TIMP3: variants seen among roughly 807,000 people sequenced by gnomAD.
TIMP3 encodes TIMP metallopeptidase inhibitor 3.
A neutral mutation model predicts 30.0 loss-of-function variants in TIMP3; 11 were observed. That is an observed-to-expected ratio of 0.37 (90% CI 0.23 to 0.61). The LOEUF (loss-of-function observed/expected upper bound fraction) is 0.61. TIMP3 is among the 20% of genes least tolerant of loss of function. The pLI is 0.70. For missense variants in TIMP3, 181 were observed against 276.8 expected, an observed-to-expected ratio of 0.65 and a Z score of 2.45; for synonymous variants, 112 against 111.3, an observed-to-expected ratio of 1.01 and a Z score of -0.04.
At chr22:32,820,709 C>G (rs1268679073) in intron 1 of TIMP3, among the ~76,000 whole-genome samples, 3 of 152,098 alleles carry the variant, frequency 2.0e-5, no homozygotes, top group Non-Finnish European at 2.9e-5. Flanking sequence ...CACCTGGGAC[C>G]AAGGGGAGGT....
intron 1 of TIMP3, among the ~76,000 whole-genome samples, chr22:32,811,228 A>AG (rs1160615129): frequency 1.3e-5 from 2 of 152,088 alleles, no homozygotes; most frequent in Non-Finnish European, 2.9e-5. Flanking sequence ...AAGCAGACTG[A>AG]GGGGGGCCCC....
intron 2 of TIMP3, among the ~76,000 whole-genome samples, chr22:32,852,083 G>T (rs2048233555): frequency 6.6e-6 from 1 of 152,190 alleles, no homozygotes; most frequent in African/African-American, 2.4e-5. Context: ...CAGGCATTCT[G>T]CTAGGTCTTT....
chr22:32,820,036 G>T (rs544396002), intron 1 of TIMP3, among the ~76,000 whole-genome samples: 28 of 152,176 alleles, frequency 1.8e-4, no homozygotes, highest in African/African-American at 5.1e-4. Context: ...TTTTTGGTGT[G>T]GGGGGTGGTG....
intron 1 of TIMP3, among the ~76,000 whole-genome samples, chr22:32,847,394 C>T (rs894516503): frequency 3.6e-4 from 55 of 152,298 alleles, no homozygotes; most frequent in African/African-American, 1.2e-3. Context: ...AACAACCACT[C>T]GCCTCCTCCT....
At chr22:32,843,951 G>A (rs550372093) in intron 1 of TIMP3, among the ~76,000 whole-genome samples, 10 of 152,166 alleles carry the variant, frequency 6.6e-5, no homozygotes, top group Middle Eastern at 3.4e-3. Flanking sequence ...GTGGGGTGGC[G>A]GTGGTATCTC....
At chr22:32,842,803 T>C (rs1310953776) in intron 1 of TIMP3, among the ~76,000 whole-genome samples, 1 of 152,196 alleles carries the variant, frequency 6.6e-6, no homozygotes, top group African/African-American at 2.4e-5. Context: ...TATACTGTTA[T>C]ACTGCTGATG....
intron 1 of TIMP3, among the ~76,000 whole-genome samples, chr22:32,845,284 C>T (rs558752836): frequency 2.0e-5 from 3 of 152,182 alleles, no homozygotes; most frequent in African/African-American, 7.2e-5. Flanking sequence ...GCAACCTCCA[C>T]CTCCTGGGTT....
In TIMP3 at chr22:32,859,264, C is replaced by A; in HGVS notation, c.523C>A (p.Pro175Thr). 6.2e-7 allele frequency: 1 copy of A among 1,614,174 alleles called. No homozygotes were observed. Among genetic ancestry groups the A allele is most frequent in the Non-Finnish European group, 8.5e-7 (1 of 1,180,034 alleles). The change falls in exon 5 of 5, where the codon CCT (proline) becomes ACT (threonine). Residue 175 changes from proline (P) to threonine (T), a missense_variant. By Grantham distance (38) the Pro-to-Thr change is conservative. Transcript: ENST00000266085. ...WTDMLSNFGY[P>T]GYQSKHYACI... ...CGACATGCTCTCCAATTTCGGTTAC[C>A]CTGGCTACCAGTCCAAACACTACGC...
chr22:32,831,992 C>T (rs1430240367), intron 1 of TIMP3, among the ~76,000 whole-genome samples: 1 of 152,164 alleles, frequency 6.6e-6, no homozygotes, highest in Non-Finnish European at 1.5e-5. Flanking sequence ...GGCATTGTTA[C>T]AGATCAGCAA....
At chr22:32,842,775 T>C (rs2047949686) in intron 1 of TIMP3, among the ~76,000 whole-genome samples, 1 of 152,136 alleles carries the variant, frequency 6.6e-6, no homozygotes, top group Admixed American at 6.5e-5. Flanking sequence ...AGCACAAAGG[T>C]CTAAACAGAT....
intron 2 of TIMP3, among the ~76,000 whole-genome samples, chr22:32,855,831 G>A (rs1448792370): frequency 6.6e-6 from 1 of 152,166 alleles, no homozygotes. Flanking sequence ...GAGAACCACT[G>A]TATTAGATTA....
rs188048121 is a variant in TIMP3, at chr22:32,861,271, G to A, written c.*1894G>A. The A allele has an allele frequency of 1.3e-5, 2 of 152,462 alleles. No individual in the cohort carries two copies. The highest frequency in any genetic ancestry group is 6.5e-5 in the Admixed American group (1 of 15,290). 9.4% of individuals were successfully genotyped at this position (152,462 alleles called of 1,614,324 possible). A position where few individuals can be genotyped will look rare whatever the true frequency, so the allele number is the denominator to read the frequency against. ...TTGGCAGAACCGCAGAGTGGGAAGAGAGTACCGGCATCGGGTTTCCTTGGG... is the reference window on the plus strand; with the variant it reads ...TTGGCAGAACCGCAGAGTGGGAAGAAAGTACCGGCATCGGGTTTCCTTGGG... On this transcript the variant is annotated 3_prime_UTR_variant, in exon 5 of 5. Transcript: ENST00000266085.
chr22:32,834,944 G>A (rs1253963460), intron 1 of TIMP3, among the ~76,000 whole-genome samples: 1 of 152,194 alleles, frequency 6.6e-6, no homozygotes, highest in African/African-American at 2.4e-5. Flanking sequence ...ATGAACTAGT[G>A]GCCTCCCCTT....
intron 2 of TIMP3, among the ~76,000 whole-genome samples, chr22:32,855,989 C>T (rs1020236695): frequency 3.9e-5 from 6 of 152,300 alleles, no homozygotes; most frequent in East Asian, 1.9e-4. Context: ...TTTCACCAGA[C>T]GCTCAGAAGA....
intron 1 of TIMP3, among the ~76,000 whole-genome samples, chr22:32,808,136 T>C (rs1379715158): frequency 6.6e-6 from 1 of 152,186 alleles, no homozygotes; most frequent in Non-Finnish European, 1.5e-5. Flanking sequence ...GATAGCTTTA[T>C]GTATTTATTT....
chr22:32,858,157 G>A lies in TIMP3; in HGVS notation c.438+19G>A, dbSNP rs755534640. 4.3e-6 allele frequency: 7 copies of A among 1,611,328 alleles called. No individual in the cohort carries two copies. In the African/African-American group the frequency reaches 9.3e-5, roughly 21 times the overall value. On this transcript the variant is annotated intron_variant, in intron 4 of 4. Transcript: ENST00000266085. Reference sequence around the variant, plus strand: ...CTGCAAGGTAAGCTCTGGGGTCACTGGGGGAAGGAGGGGAGGTGCTGACTT... The same window carrying A: ...CTGCAAGGTAAGCTCTGGGGTCACTAGGGGAAGGAGGGGAGGTGCTGACTT...
chr22:32,806,895 A>G (rs1203301663), intron 1 of TIMP3, among the ~76,000 whole-genome samples: 1 of 151,948 alleles, frequency 6.6e-6, no homozygotes, highest in Non-Finnish European at 1.5e-5. Context: ...ATACATTTAC[A>G]TACATAGGTA....
At chr22:32,833,963 C>G (rs527525089) in intron 1 of TIMP3, 4 of 479,936 alleles carry the variant, frequency 8.3e-6, no homozygotes, top group African/African-American at 8.0e-5. Context: ...AAGTGGGGAA[C>G]TACCCACATG....
At chr22:32,804,945 G>A (rs943814034) in intron 1 of TIMP3, among the ~76,000 whole-genome samples, 11 of 152,164 alleles carry the variant, frequency 7.2e-5, no homozygotes, top group African/African-American at 1.4e-4. Context: ...GCCTCGGCCC[G>A]GGCAAATCTG....
Sources: allele counts gnomAD v4.1 joint callset (sites outside exome capture counted in the v4.1 genomes callset), GRCh38; gene constraint gnomAD v4.1.1; transcripts MANE v1.5; gene names NCBI Gene and HGNC (gene_info 2026-07-23, HGNC 2026-07-21).